The following LIPE variants were observed in gnomAD, a reference collection of about 807,000 sequenced individuals.
The protein encoded by LIPE is lipase E, hormone sensitive type.
In LIPE, 66 loss-of-function variants were observed where a neutral mutation model predicts 88.5. The ratio of observed to expected loss-of-function variants is 0.75; its 90% CI spans 0.61 to 0.91. The LOEUF (loss-of-function observed/expected upper bound fraction) is 0.91, where lower values mean the gene tolerates loss of function less well. LIPE is among the 40% of genes least tolerant of loss of function. The pLI is 0.00. For synonymous variants in LIPE, 570 were observed against 617.5 expected, an observed-to-expected ratio of 0.92 and a Z score of 1.14; for missense variants, 1,346 against 1,434.7, an observed-to-expected ratio of 0.94 and a Z score of 1.00.
At chr19:42,423,478 T>G in intron 1 of LIPE, 1 of 1,288,340 alleles carries the variant, frequency 7.8e-7, no homozygotes, top group Non-Finnish European at 1.0e-6. Flanking sequence ...CTCTTTGGCA[T>G]TCTTCGAGGC....
chr19:42,406,331 AAGCAG>A lies in LIPE; in HGVS notation c.2190_2194del (p.Cys731HisfsTer124). On this transcript the variant is annotated frameshift_variant, in exon 7 of 10. Coordinates refer to ENST00000244289, the MANE Select transcript of LIPE (RefSeq NM_005357.4). LOFTEE classifies it high-confidence loss of function. The surrounding 1 kb of genome is among the most constrained non-coding windows in gnomAD (Gnocchi z 5.7). ...GGCTGCTGCCCGAAGAGCCACGGTG[AAGCAG>A]AGGTTCCCGCCTGCACTGTCCCCCG... The A allele has an allele frequency of 1.9e-6, 3 of 1,614,178 alleles. No homozygotes were observed. The highest frequency in any genetic ancestry group is 1.7e-5 in the Admixed American group (1 of 60,022).
rs1361228657 is a variant in LIPE at position 42,406,157 on chromosome 19, TC to T, written c.2365+3del. Reference sequence around the variant, plus strand: ...TGTTTCCCTGCTGAGGGTGTGGGCCTCACCAGCATAGGCGCTGACACACTTG... The same window carrying T: ...TGTTTCCCTGCTGAGGGTGTGGGCCTACCAGCATAGGCGCTGACACACTTG... On this transcript the variant is annotated splice_donor_region_variant and intron_variant, in intron 7 of 9. Coordinates refer to ENST00000244289, the MANE Select transcript of LIPE (RefSeq NM_005357.4). The surrounding 1 kb of genome is among the most constrained non-coding windows in gnomAD (Gnocchi z 5.7). The T allele has an allele frequency of 1.3e-6, 2 of 1,599,068 alleles. No homozygotes were observed. Among genetic ancestry groups the T allele is most frequent in the Non-Finnish European group, 1.7e-6 (2 of 1,168,156 alleles).
chr19:42,411,321 A>G (rs1430555088), intron 1 of LIPE: 2 of 984,682 alleles, frequency 2.0e-6, no homozygotes, highest in Non-Finnish European at 2.4e-6. Context: ...CAGGAACCCA[A>G]GAGTCTAGTC....
chr19:42,419,326 T>G (rs1019932698), intron 1 of LIPE, among the ~76,000 whole-genome samples: 1 of 152,134 alleles, frequency 6.6e-6, no homozygotes, highest in African/African-American at 2.4e-5. Flanking sequence ...AGGGGACATT[T>G]CCAACAAAAC....
rs777826854 is a variant in LIPE, at chr19:42,410,649, C to T, written c.1077G>A (p.Ala359=). The T allele has an allele frequency of 2.0e-5, 32 of 1,612,514 alleles. No individual in the cohort carries two copies. Among genetic ancestry groups the T allele is most frequent in the Non-Finnish European group, 2.2e-5 (26 of 1,179,182 alleles). The change falls in exon 2 of 10, where the codon GCG becomes GCA. Residue 359 remains alanine, a synonymous_variant. Coordinates refer to ENST00000244289, the MANE Select transcript of LIPE (RefSeq NM_005357.4). This position sits in a 1 kb window ranked among gnomAD's most constrained non-coding sequence, Gnocchi z 6.1. ...EPALGRLLGV[A]HLFDLDPETP... is the part of the protein sequence containing the mutation. ...TCTCTGGGTCCAGGTCAAAGAGGTG[C>T]GCCACACCCAGCAGGCGGCCCAGGG...
Position 42,426,807 on chromosome 19 carries a change from G to C in LIPE, c.343C>G (p.Gln115Glu). Residue 115 changes from glutamine (Q) to glutamate (E), a missense_variant, in exon 1 of 10, where the codon CAG becomes GAG. Transcript: ENST00000244289. ...LLTQQEAASQQGPGLGKESIT... is the reference protein window; with the variant it reads ...LLTQQEAASQEGPGLGKESIT... ...GATTCTTTTCCTAGCCCAGGTCCCT[G>C]CTGGGAGGCAGCTTCCTGTTGAGTG... is the stretch of plus-strand genomic sequence containing the variant. 6.2e-7 allele frequency: 1 copy of C among 1,614,114 alleles called. No individual in the cohort carries two copies. Among genetic ancestry groups the C allele is most frequent in the Non-Finnish European group, 8.5e-7 (1 of 1,180,022 alleles).
In LIPE at chr19:42,427,064, G is replaced by C. The variant is rs1335249703; in HGVS notation, c.86C>G (p.Pro29Arg). 1.2e-6 allele frequency: 2 copies of C among 1,613,992 alleles called. No homozygotes were observed. Among genetic ancestry groups the C allele is most frequent in the Non-Finnish European group, 1.7e-6 (2 of 1,180,038 alleles). The change falls in exon 1 of 10, where the codon CCA becomes CGA. Residue 29 changes from proline (P) to arginine (R), a missense_variant. By Grantham distance (103) the Pro-to-Arg change is moderately radical. Transcript: ENST00000244289. Reference sequence around the variant, plus strand: ...TGGCTGGGCTATGGGTGTCTTTTCTGGCCCAGGCTCTAGCGGGGTTATAGG... The same window carrying C: ...TGGCTGGGCTATGGGTGTCTTTTCTCGCCCAGGCTCTAGCGGGGTTATAGG... ...QRPITPLEPG[P>R]EKTPIAQPES... is the part of the protein sequence containing the mutation.
At chr19:42,418,653 A>G (rs1421313777) in intron 1 of LIPE, among the ~76,000 whole-genome samples, 1 of 148,674 alleles carries the variant, frequency 6.7e-6, no homozygotes, top group Non-Finnish European at 1.5e-5. Flanking sequence ...GTCTCTACAG[A>G]AAAAAAAAAA....
chr19:42,418,856 C>T (rs1039612035), intron 1 of LIPE, among the ~76,000 whole-genome samples: 1 of 152,132 alleles, frequency 6.6e-6, no homozygotes, highest in Non-Finnish European at 1.5e-5. Context: ...CTCTCTGATT[C>T]CCTCACTAGA....
chr19:42,418,272 C>T (rs1361593036), intron 1 of LIPE, among the ~76,000 whole-genome samples: 1 of 152,102 alleles, frequency 6.6e-6, no homozygotes. Context: ...TGTGAGCCAC[C>T]GTGCCTGGCC....
Position 42,401,677 on chromosome 19 carries a change from G to T in LIPE, c.*135C>A, listed in dbSNP as rs1331866570. Reference sequence around the variant, plus strand: ...GTGTGCGCGTCCCCCTCCCCGTGGCGAGGGTCTCAGCTTTCGGGCCCCCGC... The same window carrying T: ...GTGTGCGCGTCCCCCTCCCCGTGGCTAGGGTCTCAGCTTTCGGGCCCCCGC... On this transcript the variant is annotated 3_prime_UTR_variant, in exon 10 of 10. Transcript: ENST00000244289. The T allele has an allele frequency of 3.8e-6, 2 of 529,422 alleles. No homozygotes were observed. The highest frequency in any genetic ancestry group is 4.5e-5 in the Admixed American group (1 of 22,052). The allele number at this position is 529,422 out of a possible 1,614,324, so 32.8% of individuals were successfully genotyped here.
rs1475851506 is a variant in LIPE at position 42,402,902 on chromosome 19, G to T, written c.2672C>A (p.Thr891Asn). 10 of 1,613,094 alleles carry T rather than the reference G, an allele frequency of 6.2e-6. No individual in the cohort carries two copies. The highest frequency in any genetic ancestry group is 1.3e-5 in the African/African-American group (1 of 74,936). ...CTCAGCTGACAGCGACATCTCGGGG[G>T]TGTCCGACGACGTCTCGGAGTTTCC... ...LRGNSETSSD[T>N]PEMSLSAETL... Residue 891 changes from threonine (T) to asparagine (N), a missense_variant, in exon 9 of 10, where the codon ACC (threonine) becomes AAC (asparagine). By Grantham distance (65) the Thr-to-Asn change is moderately conservative. Transcript: ENST00000244289.
At chr19:42,411,308 T>A (rs1315032678) in intron 1 of LIPE, 2 of 985,040 alleles carry the variant, frequency 2.0e-6, no homozygotes, top group Admixed American at 6.2e-5. Context: ...TCTTTCTTCC[T>A]TCCAGGAACC....
At chr19:42,425,987 A>G (rs1216992050) in intron 1 of LIPE, among the ~76,000 whole-genome samples, 2 of 151,212 alleles carry the variant, frequency 1.3e-5, no homozygotes, top group Non-Finnish European at 2.9e-5. Flanking sequence ...TTTTTAGTAG[A>G]GACGGTGTTT....
chr19:42,421,087 C>T (rs939215651), intron 1 of LIPE, among the ~76,000 whole-genome samples: 3 of 152,092 alleles, frequency 2.0e-5, no homozygotes, highest in Admixed American at 6.5e-5. Context: ...TTGGTAGAGA[C>T]GGGGTCTCGC....
At chr19:42,403,417 C>T (rs774682029) in intron 8 of LIPE, among the ~76,000 whole-genome samples, 3 of 151,340 alleles carry the variant, frequency 2.0e-5, no homozygotes, top group Admixed American at 6.6e-5. Flanking sequence ...GATTAGGTAC[C>T]GCTACCCACT....
Position 42,407,647 on chromosome 19 carries a change from C to G in LIPE, c.1801G>C (p.Val601Leu). 1 of 1,610,974 alleles carries G rather than the reference C, an allele frequency of 6.2e-7. No individual in the cohort carries two copies. The highest frequency in any genetic ancestry group is 8.5e-7 in the Non-Finnish European group (1 of 1,178,416). Residue 601 changes from valine to leucine, a missense_variant, in exon 5 of 10, where the codon GTC (valine) becomes CTC (leucine). Val to Leu is a conservative substitution (Grantham distance 32, BLOSUM62 1). Coordinates refer to ENST00000244289, the MANE Select transcript of LIPE (RefSeq NM_005357.4). The surrounding 1 kb of genome is among the most constrained non-coding windows in gnomAD (Gnocchi z 5.8). Reference protein sequence around the residue: ...PPLAHTGPGPVLVRLISYDLR... With the variant: ...PPLAHTGPGPLLVRLISYDLR... Reference sequence around the variant, plus strand: ...TCATAGGAGATGAGCCTGACGAGGACGGGCCCAGGGCCTGTGTGGGCCAGT... The same window carrying G: ...TCATAGGAGATGAGCCTGACGAGGAGGGGCCCAGGGCCTGTGTGGGCCAGT...
Position 42,402,684 on chromosome 19 carries a change from T to C in LIPE, c.2890A>G (p.Ile964Val). ...GGCGACATGAAGGGGTTCTTGACTA[T>C]GGGTGAGGAGTAGAGGGGCATCTGT... ...ATQMPLYSSP[I>V]VKNPFMSPLL... is the part of the protein sequence containing the mutation. Residue 964 changes from isoleucine to valine, a missense_variant, in exon 9 of 10, where the codon ATA (isoleucine) becomes GTA (valine). Physicochemically the swap from Ile to Val is conservative, Grantham distance 29. Coordinates refer to ENST00000244289, the MANE Select transcript of LIPE (RefSeq NM_005357.4). 1 of 1,513,674 alleles carries C rather than the reference T, an allele frequency of 6.6e-7. No individual in the cohort carries two copies. Among genetic ancestry groups the C allele is most frequent in the Non-Finnish European group, 8.9e-7 (1 of 1,128,584 alleles). The allele number at this position is 1,513,674 out of a possible 1,614,324, so 93.8% of individuals were successfully genotyped here.
At chr19:42,409,940 A>G (rs1174991154) in intron 2 of LIPE, among the ~76,000 whole-genome samples, 4 of 152,106 alleles carry the variant, frequency 2.6e-5, no homozygotes, top group Non-Finnish European at 4.4e-5. Flanking sequence ...CAGAATGACT[A>G]TAGGGTCACA....
Sources: gnomAD v4.1 joint callset for allele counts (sites outside exome capture counted in the v4.1 genomes callset) on GRCh38, gnomAD v4.1.1 for gene constraint, Gnocchi (gnomAD v3.1) non-coding constraint, MANE v1.5 for transcripts, NCBI Gene and HGNC (gene_info 2026-07-23, HGNC 2026-07-21) for gene names.